SWT1: variants seen among roughly 807,000 people sequenced by gnomAD.
SWT1 encodes transcriptional protein SWT1.
SWT1 carries 33 observed loss-of-function variants against 107.3 expected under a neutral mutation model. The observed-to-expected ratio is 0.31, with a 90% CI of 0.23 to 0.41. The LOEUF is 0.41. Ranked by LOEUF, SWT1 falls within the 10% of genes least tolerant of loss-of-function variation. The pLI is 1.00. For missense variants in SWT1, 898 were observed against 1,028.9 expected (o/e 0.87, Z 1.74); for synonymous variants, 345 against 348.3 (o/e 0.99, Z 0.11).
intron 16 of SWT1, among the ~76,000 whole-genome samples, chr1:185,243,587 A>C (rs1217132016): frequency 6.6e-6 from 1 of 152,204 alleles, no homozygotes; most frequent in African/African-American, 2.4e-5. Flanking sequence ...CATAGATGGT[A>C]CTCAGTAAAT....
chr1:185,225,826 T>G (rs1053452711), intron 15 of SWT1, among the ~76,000 whole-genome samples: 2 of 152,354 alleles, frequency 1.3e-5, no homozygotes, highest in Admixed American at 6.5e-5. Flanking sequence ...TGTTATTCAT[T>G]GTAAGATTTT....
intron 16 of SWT1, among the ~76,000 whole-genome samples, chr1:185,256,050 G>C (rs1662481511): frequency 6.6e-6 from 1 of 151,234 alleles, no homozygotes; most frequent in Non-Finnish European, 1.5e-5. Flanking sequence ...AGCTTAGTTT[G>C]GCTGGATATG....
chr1:185,201,850 G>C (rs1657909873), intron 10 of SWT1, among the ~76,000 whole-genome samples: 1 of 152,138 alleles, frequency 6.6e-6, no homozygotes, highest in African/African-American at 2.4e-5. Context: ...GAGACTTGTA[G>C]TTCTCGCTAT....
intron 18 of SWT1, among the ~76,000 whole-genome samples, chr1:185,288,536 C>T (rs973263504): frequency 2.2e-4 from 34 of 152,082 alleles, no homozygotes; most frequent in Non-Finnish European, 5.9e-5. Context: ...TTTGTACTCT[C>T]CATCAAGAGA....
At chr1:185,230,082 A>ATT (rs911834865) in intron 15 of SWT1, among the ~76,000 whole-genome samples, 6 of 152,198 alleles carry the variant, frequency 3.9e-5, no homozygotes, top group Non-Finnish European at 7.3e-5. Flanking sequence ...AAAGTGGTGA[A>ATT]TTTTATGTTA....
chr1:185,266,151 C>T (rs777205972), intron 16 of SWT1, among the ~76,000 whole-genome samples: 36 of 152,178 alleles, frequency 2.4e-4, no homozygotes, highest in Non-Finnish European at 4.4e-4. Flanking sequence ...GCAAGCTCCG[C>T]CTGCCGGGTT....
chr1:185,214,162 A>G (rs1021731916), intron 13 of SWT1, among the ~76,000 whole-genome samples: 4 of 152,132 alleles, frequency 2.6e-5, no homozygotes, highest in African/African-American at 4.8e-5. Context: ...CTTATGTGAA[A>G]TCACCTCAGC....
At chr1:185,225,261 A>G (rs983339518) in intron 15 of SWT1, among the ~76,000 whole-genome samples, 1 of 152,148 alleles carries the variant, frequency 6.6e-6, no homozygotes, top group African/African-American at 2.4e-5. Context: ...CATCCCTGAG[A>G]TGGATCCCAC....
At chr1:185,272,583 A>C (rs1300104941) in intron 17 of SWT1, among the ~76,000 whole-genome samples, 1 of 152,216 alleles carries the variant, frequency 6.6e-6, no homozygotes, top group South Asian at 2.1e-4. Flanking sequence ...TGGTTCTTCT[A>C]CTTATTAACT....
intron 15 of SWT1, chr1:185,227,224 C>T (rs1406606248): frequency 1.2e-6 from 1 of 803,588 alleles, no homozygotes; most frequent in Admixed American, 1.7e-5. Flanking sequence ...GTGCTAAAAA[C>T]TTTATTGCCA....
intron 16 of SWT1, among the ~76,000 whole-genome samples, chr1:185,247,365 G>A (rs926332080): frequency 2.0e-5 from 3 of 152,232 alleles, no homozygotes; most frequent in Non-Finnish European, 4.4e-5. Flanking sequence ...TGTTAGGAAA[G>A]TGGAGTCAGC....
At position 185,291,754 on chromosome 1, in the gene SWT1, T is replaced by A. The variant is rs1665257129; in HGVS notation, c.*951T>A. On this transcript the variant is annotated 3_prime_UTR_variant, in exon 19 of 19. Coordinates refer to ENST00000367500, the MANE Select transcript of SWT1 (RefSeq NM_017673.7). ...TAAGGTATGATTATAAAAGTGACTG[T>A]CTGCAATAAAAGAGAACTTGTTCAG... is the stretch of plus-strand genomic sequence containing the variant. 1 of 151,078 alleles carries A rather than the reference T, an allele frequency of 6.6e-6. No homozygotes were observed. The highest frequency in any genetic ancestry group is 2.1e-4 in the South Asian group (1 of 4,834). The allele number at this position is 151,078 out of a possible 1,614,324, so 9.4% of individuals were successfully genotyped here. A position where few individuals can be genotyped will look rare whatever the true frequency, so the allele number is the denominator to read the frequency against.
chr1:185,210,143 T>C (rs550046173), intron 13 of SWT1, among the ~76,000 whole-genome samples: 1 of 152,234 alleles, frequency 6.6e-6, no homozygotes. Flanking sequence ...ATCGATAGAT[T>C]GCAAAAATTT....
chr1:185,176,412 CG>C, intron 5 of SWT1: 1 of 212,664 alleles, frequency 4.7e-6, no homozygotes, highest in Non-Finnish European at 8.1e-6. Context: ...TGGGAGAAGC[CG>C]GGATATTTTA....
At chr1:185,173,707 CAAAAA>C (rs1226847261) in intron 4 of SWT1, among the ~76,000 whole-genome samples, 2 of 151,070 alleles carry the variant, frequency 1.3e-5, no homozygotes, top group Admixed American at 6.6e-5. Context: ...GGCGCTGTCT[CAAAAA>C]AAGAAAAAGA....
chr1:185,261,673 CTTT>C (rs75087078), intron 16 of SWT1, among the ~76,000 whole-genome samples: 19,645 of 144,780 alleles, frequency 0.14, 1,325 homozygotes, highest in Admixed American at 0.17. Flanking sequence ...TGATTTTCTG[CTTT>C]TTTTTTTTTT....
intron 16 of SWT1, among the ~76,000 whole-genome samples, chr1:185,263,119 G>A (rs2378910): frequency 0.47 from 70,827 of 151,972 alleles, 17,326 homozygotes; most frequent in African/African-American, 0.62. Flanking sequence ...ACACTATTCA[G>A]ATTGTATTAG....
intron 4 of SWT1, among the ~76,000 whole-genome samples, chr1:185,173,706 T>C (rs1372633233): frequency 6.6e-6 from 1 of 151,058 alleles, no homozygotes; most frequent in African/African-American, 2.4e-5. Flanking sequence ...AGGCGCTGTC[T>C]CAAAAAAAGA....
chr1:185,173,239 A>G (rs939938840), intron 4 of SWT1, among the ~76,000 whole-genome samples: 4 of 152,108 alleles, frequency 2.6e-5, no homozygotes, highest in African/African-American at 9.7e-5. Context: ...GCTTATTAAC[A>G]TTATTTTGCT....
Sources: gnomAD v4.1 joint callset for allele counts (sites outside exome capture counted in the v4.1 genomes callset) on GRCh38, gnomAD v4.1.1 for gene constraint, MANE v1.5 for transcripts, NCBI Gene and HGNC (gene_info 2026-07-23, HGNC 2026-07-21) for gene names.